The following HS6ST1 variants were observed in gnomAD, a reference collection of about 807,000 sequenced individuals.
HS6ST1 encodes heparan-sulfate 6-O-sulfotransferase 1.
A neutral mutation model predicts 25.2 loss-of-function variants in HS6ST1; 3 were observed. That is an observed-to-expected ratio of 0.12 (90% confidence interval 0.05 to 0.31). The LOEUF is 0.31. Ranked by LOEUF, HS6ST1 falls within the 10% of genes least tolerant of loss-of-function variation. The pLI is 1.00. For synonymous variants in HS6ST1, 204 were observed against 275.1 expected, an observed-to-expected ratio of 0.74 and a Z score of 2.56; for missense variants, 310 against 609.6, an observed-to-expected ratio of 0.51 and a Z score of 5.18.
At chr2:128,281,066 G>A (rs1185305472) in intron 1 of HS6ST1, among the ~76,000 whole-genome samples, 1 of 152,256 alleles carries the variant, frequency 6.6e-6, no homozygotes, top group Non-Finnish European at 1.5e-5. Context: ...GCTGGGCTTG[G>A]AGCTGGGTCA....
intron 1 of HS6ST1, among the ~76,000 whole-genome samples, chr2:128,283,809 G>A (rs983978278): frequency 1.3e-5 from 2 of 152,182 alleles, no homozygotes; most frequent in Non-Finnish European, 2.9e-5. Context: ...GAGCTCTTGG[G>A]GGCTTCCTGA....
At position 128,318,623 on chromosome 2, in the gene HS6ST1, G is replaced by A. The variant is rs1694414439; in HGVS notation, c.-60C>T. The A allele has an allele frequency of 1.3e-6, 1 of 744,434 alleles. No homozygotes were observed. The highest frequency in any genetic ancestry group is 5.0e-5 in the Admixed American group (1 of 20,034). The allele number at this position is 744,434 out of a possible 1,614,324, so 46.1% of individuals were successfully genotyped here. Reference sequence around the variant, plus strand: ...GGGGCCTGGGAGGGCAGGAGGCGCGGGCGCAGCTGCCTCCGCCGCCGCCCG... The same window carrying A: ...GGGGCCTGGGAGGGCAGGAGGCGCGAGCGCAGCTGCCTCCGCCGCCGCCCG... On this transcript the variant is annotated 5_prime_UTR_variant, in exon 1 of 2. Coordinates refer to ENST00000259241, the MANE Select transcript of HS6ST1 (RefSeq NM_004807.3). This position sits in a 1 kb window ranked among gnomAD's most constrained non-coding sequence, Gnocchi z 5.7.
chr2:128,315,353 G>A (rs922484069), intron 1 of HS6ST1, among the ~76,000 whole-genome samples: 2 of 151,986 alleles, frequency 1.3e-5, no homozygotes, highest in African/African-American at 2.4e-5. Flanking sequence ...GCTGGCAGCC[G>A]GGAAGAGCCC....
chr2:128,287,988 C>G (rs144742641), intron 1 of HS6ST1, among the ~76,000 whole-genome samples: 2 of 151,740 alleles, frequency 1.3e-5, no homozygotes, highest in South Asian at 4.2e-4. Context: ...TATGCCTGAA[C>G]GCACACACTC....
intron 1 of HS6ST1, among the ~76,000 whole-genome samples, chr2:128,288,205 G>C (rs914389515): frequency 2.6e-5 from 4 of 152,184 alleles, no homozygotes; most frequent in African/African-American, 9.7e-5. Context: ...GACTCACGTG[G>C]CCCTTCCTCT....
intron 1 of HS6ST1, among the ~76,000 whole-genome samples, chr2:128,291,920 G>A (rs988105795): frequency 6.6e-6 from 1 of 152,200 alleles, no homozygotes; most frequent in African/African-American, 2.4e-5. Flanking sequence ...CACCCTCCCT[G>A]CTCAGGGCTG....
chr2:128,281,229 G>C (rs998192332), intron 1 of HS6ST1, among the ~76,000 whole-genome samples: 9 of 152,222 alleles, frequency 5.9e-5, no homozygotes, highest in Admixed American at 5.9e-4. Flanking sequence ...CGCTGCTTCT[G>C]CTCTGCCTAC....
At chr2:128,299,435 A>G (rs1694089626) in intron 1 of HS6ST1, among the ~76,000 whole-genome samples, 1 of 152,224 alleles carries the variant, frequency 6.6e-6, no homozygotes, top group Non-Finnish European at 1.5e-5. Context: ...CCCCAGTCTC[A>G]GTGTGACATG....
At position 128,268,953 on chromosome 2, in the gene HS6ST1, A is replaced by T. The variant is rs1400517727; in HGVS notation, c.528-83T>A. 1.6e-5 allele frequency: 19 copies of T among 1,186,646 alleles called. No homozygotes were observed. In the South Asian group the frequency reaches 2.2e-4, roughly 14 times the overall value. 73.5% of individuals were successfully genotyped at this position (1,186,646 alleles called of 1,614,324 possible). A position where few individuals can be genotyped will look rare whatever the true frequency, so the allele number is the denominator to read the frequency against. On this transcript the variant is annotated intron_variant, in intron 1 of 1. Transcript: ENST00000259241. ...AGGGCTGCTCTGAGTCAAAGTCCCCACTACAGGAGTTTGGGCTTCGCCTCT... is the reference window on the plus strand; with the variant it reads ...AGGGCTGCTCTGAGTCAAAGTCCCCTCTACAGGAGTTTGGGCTTCGCCTCT...
chr2:128,309,720 G>A (rs1484056907), intron 1 of HS6ST1, among the ~76,000 whole-genome samples: 2 of 152,224 alleles, frequency 1.3e-5, no homozygotes, highest in Admixed American at 6.5e-5. Context: ...TGCTGGTCAC[G>A]TGTGGCCTTC....
intron 1 of HS6ST1, among the ~76,000 whole-genome samples, chr2:128,285,125 C>T (rs1364871437): frequency 6.6e-6 from 1 of 152,232 alleles, no homozygotes; most frequent in Non-Finnish European, 1.5e-5. Flanking sequence ...TCGCCGACCA[C>T]CAGCCAAGCC....
chr2:128,312,788 G>A (rs527996492), intron 1 of HS6ST1, among the ~76,000 whole-genome samples: 226 of 152,290 alleles, frequency 1.5e-3, no homozygotes, highest in African/African-American at 4.4e-3. Context: ...AGGCTGGTGC[G>A]GTGGCTCACA....
At position 128,300,820 on chromosome 2, in the gene HS6ST1, G is replaced by T. The variant is rs540969114; in HGVS notation, c.527+17217C>A. ...CAGACCCTCCTCCCAGCTGCTCTGG[G>T]CGTGTCTCACCCTCCAGAGCAGCTA... On this transcript the variant is annotated intron_variant, in intron 1 of 1. Coordinates refer to ENST00000259241, the MANE Select transcript of HS6ST1 (RefSeq NM_004807.3). 2.0e-5 allele frequency among the ~76,000 whole-genome samples: 3 copies of T among 152,314 alleles called. No individual in the cohort carries two copies. In the East Asian group the frequency reaches 5.8e-4, roughly 30 times the overall value.
chr2:128,299,846 G>T (rs938598450), intron 1 of HS6ST1, among the ~76,000 whole-genome samples: 1 of 152,190 alleles, frequency 6.6e-6, no homozygotes, highest in African/African-American at 2.4e-5. Context: ...GGGTGCTGGC[G>T]AGGGCAGCAG....
intron 1 of HS6ST1, among the ~76,000 whole-genome samples, chr2:128,313,669 C>T (rs72972069): frequency 0.086 from 13,112 of 152,170 alleles, 1,909 homozygotes; most frequent in African/African-American, 0.3. Context: ...GCCACTCCCC[C>T]GTGTGGCAGC....
chr2:128,287,277 A>G (rs1034228887), intron 1 of HS6ST1, among the ~76,000 whole-genome samples: 14 of 152,106 alleles, frequency 9.2e-5, no homozygotes, highest in African/African-American at 3.4e-4. Flanking sequence ...GGATATATCC[A>G]GGGCCCAGGG....
At chr2:128,279,105 C>T (rs1455895037) in intron 1 of HS6ST1, among the ~76,000 whole-genome samples, 4 of 149,846 alleles carry the variant, frequency 2.7e-5, no homozygotes, top group African/African-American at 9.9e-5. Flanking sequence ...ACCAGTCCTG[C>T]TTGCACTGCA....
At chr2:128,280,381 T>C (rs904291201) in intron 1 of HS6ST1, among the ~76,000 whole-genome samples, 1 of 152,090 alleles carries the variant, frequency 6.6e-6, no homozygotes. Flanking sequence ...CACCTGCAGG[T>C]CCAGGAGGGC....
In HS6ST1 at chr2:128,268,830, G is replaced by A. The variant is rs767802161; in HGVS notation, c.568C>T (p.Arg190Cys). Residue 190 changes from arginine to cysteine, a missense_variant, in exon 2 of 2, where the codon CGC becomes TGC. Arg to Cys is a radical substitution (Grantham distance 180). Transcript: ENST00000259241. ...ACATGCCGCCACTCGCTCAGGTAGC[G>A]GGACACGGGGTCTCGTAGCAGGGTG... ...YITLLRDPVSRYLSEWRHVQR... is the reference protein window; with the variant it reads ...YITLLRDPVSCYLSEWRHVQR... The A allele has an allele frequency of 8.1e-6, 13 of 1,612,348 alleles. No homozygotes were observed. The highest frequency in any genetic ancestry group is 5.5e-5 in the South Asian group (5 of 91,076).
Sources: allele counts gnomAD v4.1 joint callset (sites outside exome capture counted in the v4.1 genomes callset), GRCh38; gene constraint gnomAD v4.1.1; non-coding constraint Gnocchi (gnomAD v3.1); transcripts MANE v1.5; gene names NCBI Gene and HGNC (gene_info 2026-07-23, HGNC 2026-07-21).